GBE1: variants seen among roughly 807,000 people sequenced by gnomAD.
GBE1 encodes 1,4-alpha-glucan-branching enzyme.
Under a neutral mutation model 88.8 loss-of-function variants are expected in GBE1, and 70 were observed. The observed-to-expected ratio is 0.79, with a 90% CI of 0.65 to 0.96. GBE1 has a LOEUF of 0.96. Among genes scored for constraint, GBE1 ranks in the 40% least tolerant of loss-of-function variants. The probability of loss-of-function intolerance (pLI) is 0.00; values close to 1 mark genes in which losing one functional copy is unlikely to be tolerated. For missense variants in GBE1, 872 were observed against 871.0 expected (o/e 1.00, Z -0.01); for synonymous variants, 284 against 300.1 (o/e 0.95, Z 0.56).
intron 1 of GBE1, among the ~76,000 whole-genome samples, chr3:81,737,745 T>A (rs1706289046): frequency 6.7e-6 from 1 of 150,008 alleles, no homozygotes; most frequent in African/African-American, 2.5e-5. Context: ...GTGTTTTTTA[T>A]TTTTTTATTT....
intron 7 of GBE1, among the ~76,000 whole-genome samples, chr3:81,632,067 T>G (rs1451666313): frequency 1.3e-5 from 2 of 152,216 alleles, no homozygotes; most frequent in African/African-American, 4.8e-5. Context: ...TGTTTGGTTT[T>G]CTGTTCCTGT....
At chr3:81,556,361 A>G (rs1703348870) in intron 12 of GBE1, among the ~76,000 whole-genome samples, 1 of 152,114 alleles carries the variant, frequency 6.6e-6, no homozygotes, top group Non-Finnish European at 1.5e-5. Flanking sequence ...CCCTAAAAAG[A>G]TTAAAATAAG....
intron 3 of GBE1, among the ~76,000 whole-genome samples, chr3:81,651,862 G>T (rs1306296015): frequency 6.6e-6 from 1 of 152,202 alleles, no homozygotes; most frequent in Non-Finnish European, 1.5e-5. Flanking sequence ...TCTACTTCAT[G>T]CTGAATTTAA....
chr3:81,593,999 C>A lies in GBE1; in HGVS notation c.1017G>T (p.Leu339=). The A allele has an allele frequency of 1.3e-6, 2 of 1,566,942 alleles. No homozygotes were observed. The highest frequency in any genetic ancestry group is 2.7e-5 in the African/African-American group (2 of 74,020). The change falls in exon 8 of 16, where the codon CTG becomes CTT. Residue 339 remains leucine (L), a synonymous_variant. Coordinates refer to ENST00000429644, the MANE Select transcript of GBE1 (RefSeq NM_000158.4). ...YSSWEILRFL[L]SNIRWWLEEY... is the part of the protein sequence containing the mutation. ...CTTCCAACCACCATCTTATGTTTGA[C>A]AGAAGGAATCTTAAAATTTCCCAGC...
At chr3:81,652,871 G>C (rs969976364) in intron 3 of GBE1, among the ~76,000 whole-genome samples, 1 of 152,142 alleles carries the variant, frequency 6.6e-6, no homozygotes. Context: ...CTTTTGGTGA[G>C]GGGGAGGGTA....
At chr3:81,536,317 A>C (rs1295316723) in intron 13 of GBE1, among the ~76,000 whole-genome samples, 1 of 152,034 alleles carries the variant, frequency 6.6e-6, no homozygotes, top group African/African-American at 2.4e-5. Context: ...ATTATATGTT[A>C]ACTTTTGCCA....
chr3:81,750,588 C>T (rs28692755), intron 1 of GBE1, among the ~76,000 whole-genome samples: 16,541 of 44,106 alleles, frequency 0.38, 3,647 homozygotes, highest in East Asian at 0.69. Context: ...TATATATATA[C>T]GTATATATAT....
chr3:81,634,223 T>G (rs568697576), intron 7 of GBE1, among the ~76,000 whole-genome samples: 20 of 152,224 alleles, frequency 1.3e-4, no homozygotes, highest in Non-Finnish European at 2.5e-4. Context: ...TATTCTATAT[T>G]CTAGTTGTTG....
chr3:81,536,353 T>C (rs1428747496), intron 13 of GBE1, among the ~76,000 whole-genome samples: 1 of 151,966 alleles, frequency 6.6e-6, no homozygotes, highest in East Asian at 1.9e-4. Flanking sequence ...GTATAAAATT[T>C]TCACTTGTTA....
At chr3:81,644,722 A>G (rs925806189) in intron 6 of GBE1, among the ~76,000 whole-genome samples, 2 of 152,184 alleles carry the variant, frequency 1.3e-5, no homozygotes, top group African/African-American at 4.8e-5. Context: ...AAGGTAAGAG[A>G]AGGGGAAAGA....
chr3:81,574,423 T>G (rs1703617531), intron 12 of GBE1, among the ~76,000 whole-genome samples: 1 of 152,180 alleles, frequency 6.6e-6, no homozygotes, highest in South Asian at 2.1e-4. Context: ...AGGCACCCAC[T>G]TTATCACTGA....
chr3:81,660,309 A>G (rs1705006438), intron 3 of GBE1, among the ~76,000 whole-genome samples: 1 of 152,240 alleles, frequency 6.6e-6, no homozygotes, highest in Non-Finnish European at 1.5e-5. Context: ...ATAGGATTCT[A>G]CACAATGAAG....
intron 12 of GBE1, among the ~76,000 whole-genome samples, chr3:81,547,737 A>G (rs1420646598): frequency 6.7e-6 from 1 of 150,074 alleles, no homozygotes; most frequent in African/African-American, 2.4e-5. Flanking sequence ...TAAAGGTTTG[A>G]TTAATGGGAA....
rs1313393167 is a variant in GBE1 at position 81,649,928 on chromosome 3, A to G, written c.430-7T>C. 1.2e-6 allele frequency: 2 copies of G among 1,601,228 alleles called. No individual in the cohort carries two copies. Among genetic ancestry groups the G allele is most frequent in the African/African-American group, 1.3e-5 (1 of 74,706 alleles). On this transcript the variant is annotated splice_polypyrimidine_tract_variant and splice_region_variant and intron_variant, in intron 3 of 15. Coordinates refer to ENST00000429644, the MANE Select transcript of GBE1 (RefSeq NM_000158.4). The stretch of plus-strand genomic sequence containing the variant: ...TTTTACTAGTAATAACTACCTAAAA[A>G]GAGAATGACATGTTATTGCTTTAAA...
intron 1 of GBE1, among the ~76,000 whole-genome samples, chr3:81,741,186 A>C (rs920622892): frequency 2.0e-5 from 3 of 152,202 alleles, no homozygotes; most frequent in African/African-American, 7.2e-5. Flanking sequence ...TAAGTGTCTA[A>C]AACCTTAATA....
At chr3:81,511,083 C>A (rs535496038) in intron 14 of GBE1, among the ~76,000 whole-genome samples, 1 of 152,022 alleles carries the variant, frequency 6.6e-6, no homozygotes, top group South Asian at 2.1e-4. Context: ...GGGGAAAGGA[C>A]TCCCTATTTA....
At chr3:81,747,465 G>A (rs898837185) in intron 1 of GBE1, among the ~76,000 whole-genome samples, 2 of 152,156 alleles carry the variant, frequency 1.3e-5, no homozygotes, top group Non-Finnish European at 2.9e-5. Context: ...CTGGTCATTT[G>A]AGGTCAGGAG....
chr3:81,517,010 T>C (rs1274211919), intron 14 of GBE1, among the ~76,000 whole-genome samples: 1 of 151,606 alleles, frequency 6.6e-6, no homozygotes, highest in Non-Finnish European at 1.5e-5. Context: ...TGGAATATAA[T>C]ATAAACCTAG....
Position 81,491,962 on chromosome 3 carries a change from G to C in GBE1, c.2053-1499C>G, listed in dbSNP as rs114267224. Among the ~76,000 whole-genome samples the C allele has an allele frequency of 3.5e-3, 536 of 152,292 alleles. 2 individuals are homozygous for C. Among genetic ancestry groups the C allele is most frequent in the African/African-American group, 0.012 (504 of 41,558 alleles). ...TTAGTTTTTAACATCAAAAGTTAAA[G>C]CAGTTTTAAAATGGTGGCACTTATA... On this transcript the variant is annotated intron_variant, in intron 15 of 15. Coordinates refer to ENST00000429644, the MANE Select transcript of GBE1 (RefSeq NM_000158.4).
Sources: gnomAD v4.1 joint callset for allele counts (sites outside exome capture counted in the v4.1 genomes callset) on GRCh38, gnomAD v4.1.1 for gene constraint, MANE v1.5 for transcripts, NCBI Gene and HGNC (gene_info 2026-07-23, HGNC 2026-07-21) for gene names.